Variants in DLG2 observed in about 807,000 individuals in gnomAD.
The protein encoded by DLG2 is disks large homolog 2.
Under a neutral mutation model 132.5 loss-of-function variants are expected in DLG2, and 45 were observed. That is an observed-to-expected ratio of 0.34 (90% confidence interval 0.27 to 0.44). The LOEUF (loss-of-function observed/expected upper bound fraction) is 0.44. Ranked by LOEUF, DLG2 falls within the 20% of genes least tolerant of loss-of-function variation. DLG2 has a pLI of 1.00. For missense variants in DLG2, 1,045 were observed against 1,196.9 expected, an observed-to-expected ratio of 0.87 and a Z score of 1.87; for synonymous variants, 424 against 419.6, an observed-to-expected ratio of 1.01 and a Z score of -0.13.
intron 5 of DLG2, among the ~76,000 whole-genome samples, chr11:85,154,179 T>G (rs1224323820): frequency 6.8e-6 from 1 of 147,644 alleles, no homozygotes; most frequent in Admixed American, 6.8e-5. Flanking sequence ...ATTGCCAAAT[T>G]AGATAACTTC....
At chr11:85,531,428 G>A (rs2075202369) in intron 3 of DLG2, among the ~76,000 whole-genome samples, 1 of 152,148 alleles carries the variant, frequency 6.6e-6, no homozygotes, top group African/African-American at 2.4e-5. Context: ...CAATACACAT[G>A]TTTTTATATC....
chr11:83,745,380 T>C (rs1424501727), intron 18 of DLG2, among the ~76,000 whole-genome samples: 1 of 152,222 alleles, frequency 6.6e-6, no homozygotes, highest in Non-Finnish European at 1.5e-5. Context: ...CCTCTGTTTT[T>C]GATTTCAAAA....
At chr11:85,539,960 C>G (rs572974327) in intron 3 of DLG2, among the ~76,000 whole-genome samples, 99 of 152,284 alleles carry the variant, frequency 6.5e-4, no homozygotes, top group African/African-American at 2.3e-3. Flanking sequence ...TTTGCGAGTG[C>G]AAAAACATCT....
At chr11:83,498,633 A>C (rs574587395) in intron 21 of DLG2, among the ~76,000 whole-genome samples, 1 of 151,772 alleles carries the variant, frequency 6.6e-6, no homozygotes, top group Non-Finnish European at 1.5e-5. Context: ...TTCTACCTGA[A>C]GATACTGGAA....
At chr11:84,414,245 T>C (rs2098920750) in intron 7 of DLG2, among the ~76,000 whole-genome samples, 2 of 152,230 alleles carry the variant, frequency 1.3e-5, no homozygotes, top group Non-Finnish European at 2.9e-5. Flanking sequence ...ATCTGGCAAA[T>C]GTTTACTGTT....
chr11:84,096,671 C>T (rs959616443), intron 10 of DLG2, among the ~76,000 whole-genome samples: 1 of 152,108 alleles, frequency 6.6e-6, no homozygotes, highest in Non-Finnish European at 1.5e-5. Flanking sequence ...TCTAACAAAT[C>T]TATTTCTAAA....
Position 83,633,193 on chromosome 11 carries a change from A to T in DLG2, c.1940+18T>A. ...AATTGCTCACAAAGTGCAGATAGAGAAATACTCCTTTGCCTACCTGACGTA... is the reference window on the plus strand; with the variant it reads ...AATTGCTCACAAAGTGCAGATAGAGTAATACTCCTTTGCCTACCTGACGTA... On this transcript the variant is annotated intron_variant, in intron 19 of 27. Transcript: ENST00000376104. 6.2e-7 allele frequency: 1 copy of T among 1,610,286 alleles called. No homozygotes were observed. Among genetic ancestry groups the T allele is most frequent in the Admixed American group, 1.7e-5 (1 of 59,950 alleles).
At chr11:84,325,605 T>A (rs1235654483) in intron 7 of DLG2, among the ~76,000 whole-genome samples, 1 of 152,238 alleles carries the variant, frequency 6.6e-6, no homozygotes, top group Non-Finnish European at 1.5e-5. Flanking sequence ...AAATTCCATT[T>A]GGCCATGGTA....
intron 20 of DLG2, among the ~76,000 whole-genome samples, chr11:83,535,372 A>T (rs2095855469): frequency 6.6e-6 from 1 of 152,202 alleles, no homozygotes; most frequent in African/African-American, 2.4e-5. Flanking sequence ...GGTTCCAAAC[A>T]TACAGAATGT....
At chr11:84,831,098 C>G (rs1014871805) in intron 6 of DLG2, among the ~76,000 whole-genome samples, 5 of 151,274 alleles carry the variant, frequency 3.3e-5, no homozygotes, top group Non-Finnish European at 5.9e-5. Flanking sequence ...ACATGCATTT[C>G]TAGGAGTTGC....
At chr11:84,307,877 T>C (rs2098242105) in intron 7 of DLG2, among the ~76,000 whole-genome samples, 1 of 151,910 alleles carries the variant, frequency 6.6e-6, no homozygotes, top group African/African-American at 2.4e-5. Flanking sequence ...CGGTGAGTGT[T>C]ACAGCTCTTA....
chr11:84,487,629 T>C (rs1219453132), intron 7 of DLG2, among the ~76,000 whole-genome samples: 1 of 152,186 alleles, frequency 6.6e-6, no homozygotes, highest in Admixed American at 6.6e-5. Context: ...TAAGATACAG[T>C]AACATACTAC....
intron 6 of DLG2, among the ~76,000 whole-genome samples, chr11:84,698,177 T>C (rs2058819910): frequency 6.6e-6 from 1 of 151,414 alleles, no homozygotes. Context: ...ACTAAATAGA[T>C]GATATAAAGG....
intron 3 of DLG2, among the ~76,000 whole-genome samples, chr11:85,497,871 G>A (rs886634966): frequency 6.6e-6 from 1 of 152,194 alleles, no homozygotes; most frequent in African/African-American, 2.4e-5. Flanking sequence ...TTACAGACAA[G>A]CAAATGCTGA....
chr11:85,112,571 G>A (rs751403610), intron 5 of DLG2, among the ~76,000 whole-genome samples: 4 of 151,660 alleles, frequency 2.6e-5, no homozygotes, highest in South Asian at 2.1e-4. Flanking sequence ...ATTAATAATC[G>A]CCATAAAAAC....
intron 18 of DLG2, among the ~76,000 whole-genome samples, chr11:83,697,757 G>A (rs1453176124): frequency 6.6e-6 from 1 of 152,172 alleles, no homozygotes; most frequent in Non-Finnish European, 1.5e-5. Context: ...TAAAATTAAA[G>A]GTGCTAACAA....
intron 3 of DLG2, among the ~76,000 whole-genome samples, chr11:85,583,130 G>GTGTGTATATATATATATA (rs1555190569): frequency 2.9e-4 from 4 of 13,606 alleles, no homozygotes; most frequent in Non-Finnish European, 4.7e-4. Flanking sequence ...GTGTGTGTGT[G>GTGTGTATATATATATATA]TATATATATA....
At chr11:84,398,133 G>C (rs767020184) in intron 7 of DLG2, among the ~76,000 whole-genome samples, 2 of 152,192 alleles carry the variant, frequency 1.3e-5, no homozygotes, top group Admixed American at 6.5e-5. Context: ...TTAACAAGTT[G>C]ATATACAGCG....
At chr11:84,158,777 CT>C (rs2095485034) in intron 9 of DLG2, among the ~76,000 whole-genome samples, 1 of 151,666 alleles carries the variant, frequency 6.6e-6, no homozygotes, top group African/African-American at 2.4e-5. Flanking sequence ...AAAAGAAGTT[CT>C]TGTTAGATTA....
Sources: gnomAD v4.1 joint callset for allele counts (sites outside exome capture counted in the v4.1 genomes callset) on GRCh38, gnomAD v4.1.1 for gene constraint, MANE v1.5 for transcripts, NCBI Gene and HGNC (gene_info 2026-07-23, HGNC 2026-07-21) for gene names.